The following ADK variants were observed in gnomAD, a reference collection of about 807,000 sequenced individuals.
ADK encodes the protein adenosine kinase.
A neutral mutation model predicts 44.7 loss-of-function variants in ADK; 24 were observed. The observed-to-expected ratio is 0.54, with a 90% CI of 0.39 to 0.76. The LOEUF is 0.76. Ranked by LOEUF, ADK falls within the 30% of genes least tolerant of loss-of-function variation. ADK has a pLI of 0.00. For missense variants in ADK, 321 were observed against 425.1 expected, an observed-to-expected ratio of 0.76 and a Z score of 2.15; for synonymous variants, 128 against 142.6, an observed-to-expected ratio of 0.90 and a Z score of 0.73.
At chr10:74,638,077 A>G (rs1318050041) in intron 9 of ADK, among the ~76,000 whole-genome samples, 1 of 152,196 alleles carries the variant, frequency 6.6e-6, no homozygotes, top group Non-Finnish European at 1.5e-5. Flanking sequence ...CCATTTAAAA[A>G]TATTTATACA....
chr10:74,367,165 C>A (rs1159634295), intron 4 of ADK, among the ~76,000 whole-genome samples: 1 of 152,144 alleles, frequency 6.6e-6, no homozygotes, highest in African/African-American at 2.4e-5. Context: ...AGTTGCTAAA[C>A]CCTGATCATT....
intron 2 of ADK, among the ~76,000 whole-genome samples, chr10:74,204,638 T>C (rs1843522561): frequency 2.0e-5 from 3 of 152,260 alleles, no homozygotes; most frequent in African/African-American, 7.2e-5. Context: ...AAACACACTT[T>C]CCCAGTCAGA....
chr10:74,649,716 A>G (rs1854194026), intron 9 of ADK, among the ~76,000 whole-genome samples: 1 of 152,046 alleles, frequency 6.6e-6, no homozygotes, highest in Non-Finnish European at 1.5e-5. Flanking sequence ...AATTGTCTCC[A>G]TTTCTTCCCA....
intron 4 of ADK, among the ~76,000 whole-genome samples, chr10:74,341,226 A>G (rs1841571188): frequency 6.6e-6 from 1 of 152,080 alleles, no homozygotes; most frequent in Non-Finnish European, 1.5e-5. Flanking sequence ...GGTTTCTTAC[A>G]CTTGCCATAG....
chr10:74,345,885 T>G (rs573655366), intron 4 of ADK, among the ~76,000 whole-genome samples: 14 of 152,050 alleles, frequency 9.2e-5, no homozygotes, highest in African/African-American at 3.4e-4. Flanking sequence ...AATTTCTGGG[T>G]TTTTGTTGTT....
chr10:74,311,158 T>C (rs906854277), intron 3 of ADK, among the ~76,000 whole-genome samples: 6 of 152,202 alleles, frequency 3.9e-5, no homozygotes, highest in African/African-American at 1.4e-4. Context: ...TCAGTAGACA[T>C]GTATATTGGG....
chr10:74,154,860 C>A (rs1414090891), intron 1 of ADK, among the ~76,000 whole-genome samples: 1 of 152,190 alleles, frequency 6.6e-6, no homozygotes, highest in Non-Finnish European at 1.5e-5. Context: ...ACTTCCTAAG[C>A]AGTCTCTTTA....
intron 3 of ADK, among the ~76,000 whole-genome samples, chr10:74,280,348 C>T (rs556880063): frequency 2.0e-5 from 3 of 151,766 alleles, no homozygotes; most frequent in East Asian, 1.9e-4. Flanking sequence ...GTGATCTACC[C>T]GCCTTGGCCT....
chr10:74,159,931 C>T (rs1282337430), intron 1 of ADK, among the ~76,000 whole-genome samples: 1 of 152,164 alleles, frequency 6.6e-6, no homozygotes, highest in African/African-American at 2.4e-5. Flanking sequence ...AGGAGTTCAC[C>T]GCTTGTCTCT....
At chr10:74,600,527 T>A in intron 9 of ADK, 34 bp downstream of exon 9, 3 of 1,429,900 alleles carry the variant, frequency 2.1e-6, no homozygotes, top group Non-Finnish European at 2.9e-6. Context: ...AATCTAGTAT[T>A]ATGGAGATTA....
At chr10:74,378,149 T>A (rs2131995495) in intron 4 of ADK, among the ~76,000 whole-genome samples, 1 of 152,016 alleles carries the variant, frequency 6.6e-6, no homozygotes, top group East Asian at 1.9e-4. Flanking sequence ...AGAAACTACA[T>A]ATTTGGGCTG....
At chr10:74,659,261 A>G (rs985879086) in intron 9 of ADK, among the ~76,000 whole-genome samples, 1 of 152,174 alleles carries the variant, frequency 6.6e-6, no homozygotes, top group African/African-American at 2.4e-5. Context: ...AACAAAGGGG[A>G]AATAAGGTTT....
chr10:74,479,064 T>C (rs977577551), intron 6 of ADK, among the ~76,000 whole-genome samples: 2 of 152,140 alleles, frequency 1.3e-5, no homozygotes, highest in Admixed American at 1.3e-4. Flanking sequence ...AGTGGCATGA[T>C]CTCTGCCCAC....
At chr10:74,254,027 A>G (rs941738997) in intron 3 of ADK, among the ~76,000 whole-genome samples, 2 of 152,106 alleles carry the variant, frequency 1.3e-5, no homozygotes, top group African/African-American at 4.8e-5. Flanking sequence ...TCAGCCTCCC[A>G]AAGTGCTGGG....
At chr10:74,510,175 T>G (rs1033464027) in intron 6 of ADK, among the ~76,000 whole-genome samples, 1 of 152,156 alleles carries the variant, frequency 6.6e-6, no homozygotes, top group Non-Finnish European at 1.5e-5. Flanking sequence ...CCATAGTGGC[T>G]ATTCCCACCA....
At chr10:74,166,215 C>T (rs1343008476) in intron 1 of ADK, among the ~76,000 whole-genome samples, 1 of 152,232 alleles carries the variant, frequency 6.6e-6, no homozygotes, top group Non-Finnish European at 1.5e-5. Flanking sequence ...GCTGGGATTA[C>T]AGGCGTGAGC....
chr10:74,576,233 A>G (rs972705520), intron 7 of ADK, among the ~76,000 whole-genome samples: 1 of 152,198 alleles, frequency 6.6e-6, no homozygotes, highest in Non-Finnish European at 1.5e-5. Context: ...GAGAGTTCCT[A>G]GGAAAGGGTG....
At chr10:74,347,883 A>G (rs1841831574) in intron 4 of ADK, among the ~76,000 whole-genome samples, 2 of 152,168 alleles carry the variant, frequency 1.3e-5, no homozygotes, top group Non-Finnish European at 1.5e-5. Context: ...CTCACTGGAC[A>G]GGGTATTTGT....
At chr10:74,542,155 C>T (rs191328286) in intron 7 of ADK, among the ~76,000 whole-genome samples, 15 of 151,176 alleles carry the variant, frequency 9.9e-5, no homozygotes, top group African/African-American at 3.4e-4. Flanking sequence ...GTAAGAGGAT[C>T]GCTTGAGCCC....
Sources: allele counts gnomAD v4.1 joint callset (sites outside exome capture counted in the v4.1 genomes callset), GRCh38; gene constraint gnomAD v4.1.1; transcripts MANE v1.5; gene names NCBI Gene and HGNC (gene_info 2026-07-23, HGNC 2026-07-21).